Variants in MBOAT2 observed in about 807,000 individuals in gnomAD.
The protein encoded by MBOAT2 is membrane bound glycerophospholipid O-acyltransferase 2, also known as membrane-bound glycerophospholipid O-acyltransferase 2.
In MBOAT2, 28 loss-of-function variants were observed where a neutral mutation model predicts 63.4. The observed-to-expected ratio is 0.44, with a 90% CI of 0.33 to 0.61. MBOAT2 has a LOEUF of 0.61. Among genes scored for constraint, MBOAT2 ranks in the 20% least tolerant of loss-of-function variants. MBOAT2 has a pLI of 0.03. For synonymous variants in MBOAT2, 211 were observed against 215.6 expected (o/e 0.98, Z 0.19); for missense variants, 470 against 605.8 (o/e 0.78, Z 2.35).
At chr2:8,865,773 A>T (rs911929641) in intron 9 of MBOAT2, among the ~76,000 whole-genome samples, 2 of 152,226 alleles carry the variant, frequency 1.3e-5, no homozygotes, top group African/African-American at 4.8e-5. Context: ...ACGGTGGCTC[A>T]TGCCAGTAAT....
intron 3 of MBOAT2, among the ~76,000 whole-genome samples, chr2:8,940,070 C>T (rs1042759460): frequency 3.3e-5 from 5 of 150,412 alleles, no homozygotes; most frequent in African/African-American, 1.2e-4. Context: ...ACAACTCAGT[C>T]TCTGCTTGCT....
rs919661259 is a variant in MBOAT2, at chr2:8,854,258, G to A, written c.*4421C>T. On this transcript the variant is annotated 3_prime_UTR_variant, in exon 13 of 13. Coordinates refer to ENST00000305997, the MANE Select transcript of MBOAT2 (RefSeq NM_138799.4). ...TCTTTTGCTTCAGCATTGGGAGCACGCGTTCATCAAGAAACCCACTTTTAC... is the reference window on the plus strand; with the variant it reads ...TCTTTTGCTTCAGCATTGGGAGCACACGTTCATCAAGAAACCCACTTTTAC... The A allele has an allele frequency of 1.2e-4, 19 of 152,146 alleles. No homozygotes were observed. Among genetic ancestry groups the A allele is most frequent in the Admixed American group, 8.5e-4 (13 of 15,280 alleles). The allele number at this position is 152,146 out of a possible 1,614,324, so 9.4% of individuals were successfully genotyped here.
intron 7 of MBOAT2, among the ~76,000 whole-genome samples, chr2:8,876,782 T>C (rs946384542): frequency 2.0e-5 from 3 of 152,196 alleles, no homozygotes; most frequent in Non-Finnish European, 4.4e-5. Flanking sequence ...AAGAGCTTTC[T>C]TGTAAAATCC....
At chr2:8,942,192 C>T (rs1251501347) in intron 3 of MBOAT2, among the ~76,000 whole-genome samples, 1 of 152,160 alleles carries the variant, frequency 6.6e-6, no homozygotes, top group Non-Finnish European at 1.5e-5. Context: ...CACATTACAA[C>T]AGAGGTAGCG....
intron 2 of MBOAT2, among the ~76,000 whole-genome samples, chr2:8,944,408 TA>T (rs948898067): frequency 1.3e-5 from 2 of 152,206 alleles, no homozygotes; most frequent in Admixed American, 6.5e-5. Context: ...TAAAGTACTT[TA>T]TTTTTTTTCT....
chr2:8,896,479 T>C (rs1664483744), intron 4 of MBOAT2, among the ~76,000 whole-genome samples: 3 of 152,178 alleles, frequency 2.0e-5, no homozygotes, highest in African/African-American at 4.8e-5. Flanking sequence ...ATAGATTTCG[T>C]CACTTCCTGC....
chr2:8,958,403 G>A, intron 2 of MBOAT2, 94 bp downstream of exon 2: 2 of 1,241,410 alleles, frequency 1.6e-6, no homozygotes, highest in Non-Finnish European at 2.1e-6. Flanking sequence ...GTAAATATAA[G>A]AACAAAACCC....
chr2:8,935,685 T>C (rs971255457), intron 3 of MBOAT2, among the ~76,000 whole-genome samples: 1 of 152,254 alleles, frequency 6.6e-6, no homozygotes, highest in Non-Finnish European at 1.5e-5. Context: ...GCAGGTACCC[T>C]GCTCCTCATC....
chr2:8,898,272 T>G (rs540667725), intron 4 of MBOAT2, among the ~76,000 whole-genome samples: 112 of 152,306 alleles, frequency 7.4e-4, no homozygotes, highest in African/African-American at 2.7e-3. Context: ...TAGATGAGTA[T>G]TTGCCCTGGG....
intron 3 of MBOAT2, among the ~76,000 whole-genome samples, chr2:8,912,545 C>CAA: frequency 1.3e-5 from 2 of 152,188 alleles, no homozygotes; most frequent in East Asian, 3.9e-4. Flanking sequence ...TTCTATACAC[C>CAA]AACAGCAACA....
At chr2:8,883,737 C>T (rs971565748) in intron 5 of MBOAT2, among the ~76,000 whole-genome samples, 3 of 152,010 alleles carry the variant, frequency 2.0e-5, no homozygotes, top group Non-Finnish European at 4.4e-5. Flanking sequence ...AACTCTAGCC[C>T]TAAGGAAATA....
chr2:8,869,776 G>A (rs1043420063), intron 8 of MBOAT2, among the ~76,000 whole-genome samples: 1 of 152,076 alleles, frequency 6.6e-6, no homozygotes, highest in Non-Finnish European at 1.5e-5. Context: ...AACCGCATGG[G>A]CAGCATACCC....
intron 1 of MBOAT2, among the ~76,000 whole-genome samples, chr2:8,975,853 A>G (rs1670780422): frequency 6.6e-6 from 1 of 151,740 alleles, no homozygotes; most frequent in Non-Finnish European, 1.5e-5. Context: ...GAGAAATAGC[A>G]TCATGAGAAC....
At chr2:8,877,634 A>G (rs1017896251) in intron 6 of MBOAT2, among the ~76,000 whole-genome samples, 19 of 152,278 alleles carry the variant, frequency 1.2e-4, no homozygotes, top group Non-Finnish European at 2.5e-4. Flanking sequence ...TACTGGTTGC[A>G]GAAAACAATA....
chr2:8,989,945 T>C (rs915229313), intron 1 of MBOAT2, among the ~76,000 whole-genome samples: 12 of 152,242 alleles, frequency 7.9e-5, no homozygotes, highest in African/African-American at 2.7e-4. Context: ...TACACTCTTG[T>C]GCACACAGAT....
intron 6 of MBOAT2, among the ~76,000 whole-genome samples, chr2:8,881,622 A>G (rs895142390): frequency 3.9e-5 from 6 of 152,158 alleles, no homozygotes; most frequent in African/African-American, 1.2e-4. Context: ...GGATGGCACA[A>G]GGGCTCCTAA....
intron 3 of MBOAT2, among the ~76,000 whole-genome samples, chr2:8,930,750 A>T (rs1337656910): frequency 3.3e-5 from 5 of 151,336 alleles, no homozygotes; most frequent in African/African-American, 1.2e-4. Context: ...GCATTAGGAG[A>T]GATACCTAAT....
intron 2 of MBOAT2, among the ~76,000 whole-genome samples, chr2:8,955,979 C>T (rs1457897935): frequency 6.6e-6 from 1 of 152,110 alleles, no homozygotes; most frequent in Non-Finnish European, 1.5e-5. Context: ...AAGGTATGTA[C>T]ATTGTTTTTT....
rs750865368 is a variant in MBOAT2, at chr2:8,858,733, ATTGT to A, written c.1505_1508del (p.Asn502MetfsTer9). On this transcript the variant is annotated frameshift_variant, in exon 13 of 13. Coordinates refer to ENST00000305997, the MANE Select transcript of MBOAT2 (RefSeq NM_138799.4). LOFTEE classifies it high-confidence loss of function. ...CTATTTCTTGATTCTGATTGCAAACATTGTTTGTTGTAGAAAAACTGTTCTGTCC... is the reference window on the plus strand; with the variant it reads ...CTATTTCTTGATTCTGATTGCAAACATTGTTGTAGAAAAACTGTTCTGTCC... 7.3e-5 allele frequency: 118 copies of A among 1,613,820 alleles called. No individual in the cohort carries two copies. The Admixed American group carries it at 1.9e-3, about 26-fold the overall frequency.
Sources: gnomAD v4.1 joint callset for allele counts (sites outside exome capture counted in the v4.1 genomes callset) on GRCh38, gnomAD v4.1.1 for gene constraint, MANE v1.5 for transcripts, NCBI Gene and HGNC (gene_info 2026-07-23, HGNC 2026-07-21) for gene names.